Variants in CTDSP1 observed in about 807,000 individuals in gnomAD.
The protein encoded by CTDSP1 is carboxy-terminal domain RNA polymerase II polypeptide A small phosphatase 1.
Under a neutral mutation model 32.5 loss-of-function variants are expected in CTDSP1, and 15 were observed. That is an observed-to-expected ratio of 0.46 (90% CI 0.31 to 0.71). The LOEUF is 0.71. Ranked by LOEUF, CTDSP1 falls within the 30% of genes least tolerant of loss-of-function variation. CTDSP1 has a pLI of 0.05. For missense variants in CTDSP1, 294 were observed against 351.1 expected (o/e 0.84, Z 1.30); for synonymous variants, 185 against 145.4 (o/e 1.27, Z -1.96).
Position 218,401,618 on chromosome 2 carries a change from C to G in CTDSP1, c.122C>G (p.Ser41Ter). The G allele has an allele frequency of 6.2e-7, 1 of 1,613,898 alleles. No homozygotes were observed. Among genetic ancestry groups the G allele is most frequent in the Non-Finnish European group, 8.5e-7 (1 of 1,179,924 alleles). ...QKPRSRGILH[S>*]LFCCVCRDDG... Reference sequence around the variant, plus strand: ...CCCCGAAGCCGGGGCATCCTCCACTCACTCTTCTGCTGTGTCTGCCGGGAT... The same window carrying G: ...CCCCGAAGCCGGGGCATCCTCCACTGACTCTTCTGCTGTGTCTGCCGGGAT... Residue 41 changes from serine to a stop codon, truncating the protein, a stop_gained, in exon 2 of 7, where the codon TCA becomes TGA. Transcript: ENST00000273062. LOFTEE classifies it high-confidence loss of function.
Position 218,400,114 on chromosome 2 carries a change from T to A in CTDSP1, c.24T>A (p.Thr8=). The A allele has an allele frequency of 4.5e-6, 7 of 1,543,232 alleles. No homozygotes were observed. Among genetic ancestry groups the A allele is most frequent in the Non-Finnish European group, 5.2e-6 (6 of 1,144,328 alleles). MDSSAVI[T]QISKEEARGP... is the part of the protein sequence containing the mutation. ...CCATGGACAGCTCGGCCGTCATTAC[T>A]CAGATCAGCAAGGAGGAGGCTCGGG... The change falls in exon 1 of 7, where the codon ACT becomes ACA. Residue 8 remains threonine, a synonymous_variant. Transcript: ENST00000273062.
chr2:218,399,939 C>G lies in CTDSP1; in HGVS notation c.-152C>G. ...TCCGCGCCCCCTCCCTCCCCCTCCC[C>G]CCTAGAACCTGGCTCCCCTCCCCTC... On this transcript the variant is annotated 5_prime_UTR_variant, in exon 1 of 7. Transcript: ENST00000273062. 1 of 1,165,664 alleles carries G rather than the reference C, an allele frequency of 8.6e-7. No homozygotes were observed. The highest frequency in any genetic ancestry group is 1.1e-6 in the Non-Finnish European group (1 of 936,136). 72.2% of individuals were successfully genotyped at this position (1,165,664 alleles called of 1,614,324 possible). A position where few individuals can be genotyped will look rare whatever the true frequency, so the allele number is the denominator to read the frequency against.
In CTDSP1 at chr2:218,404,528, A is replaced by G; in HGVS notation, c.*103A>G. 6.9e-7 allele frequency: 1 copy of G among 1,442,632 alleles called. No individual in the cohort carries two copies. The highest frequency in any genetic ancestry group is 9.5e-7 in the Non-Finnish European group (1 of 1,055,722). The allele number at this position is 1,442,632 out of a possible 1,614,324, so 89.4% of individuals were successfully genotyped here. On this transcript the variant is annotated 3_prime_UTR_variant, in exon 7 of 7. Transcript: ENST00000273062. ...TTAGGAAAACCCATGGGCCGCCGCC[A>G]CACTCAGTGCCATGGGGAAGCGGGC...
chr2:218,400,222 C>A, intron 1 of CTDSP1, 65 bp downstream of exon 1: 1 of 1,451,206 alleles, frequency 6.9e-7, no homozygotes, highest in Non-Finnish European at 9.3e-7. Context: ...GGGCCGGGAT[C>A]TTCCCCAGGG....
chr2:218,402,978 C>T (rs541352179), intron 4 of CTDSP1, 57 bp from the exon 5 acceptor site: 21 of 1,336,332 alleles, frequency 1.6e-5, no homozygotes, highest in Admixed American at 8.7e-5. Flanking sequence ...TGCCAGCCCT[C>T]GGCCACCCCC....
chr2:218,402,995 C>G, intron 4 of CTDSP1, 40 bp from the exon 5 acceptor site: 1 of 1,494,374 alleles, frequency 6.7e-7, no homozygotes, highest in Non-Finnish European at 9.3e-7. Flanking sequence ...CCCCACACTG[C>G]CCCACTGGCC....
intron 1 of CTDSP1, 117 bp downstream of exon 1, chr2:218,400,274 C>A: frequency 1.1e-6 from 1 of 906,994 alleles, no homozygotes; most frequent in South Asian, 1.5e-5. Context: ...TAGCTGTGCC[C>A]GAAGCTCCCA....
rs1199162107 is a variant in CTDSP1, at chr2:218,402,401, A to C, written c.374A>C (p.His125Pro). 1 of 1,608,340 alleles carries C rather than the reference A, an allele frequency of 6.2e-7. No homozygotes were observed. The highest frequency in any genetic ancestry group is 1.1e-5 in the South Asian group (1 of 90,076). ...IIPVEIDGVV[H>P]QVYVLKRPHV... The stretch of plus-strand genomic sequence containing the variant: ...CCTGTGGAGATTGATGGGGTGGTCC[A>C]CCAGGTGAGGGCCAGGAAGAGGCAG... The change falls in exon 4 of 7, where the codon CAC (histidine) becomes CCC (proline). Residue 125 changes from histidine (H) to proline (P), a missense_variant. By Grantham distance (77) the His-to-Pro change is moderately conservative. Around this residue, in one of 2 missense-constraint regions of CTDSP1, gnomAD observed 146 missense variants for 237.7 expected, o/e 0.61. Coordinates refer to ENST00000273062, the MANE Select transcript of CTDSP1 (RefSeq NM_021198.3).
chr2:218,403,508 G>A (rs1298370938), intron 6 of CTDSP1, 91 bp downstream of exon 6: 9 of 1,245,356 alleles, frequency 7.2e-6, no homozygotes, highest in African/African-American at 1.5e-5. Flanking sequence ...TGGATCCCCA[G>A]TTGGGGGGTG....
rs573257676 is a variant in CTDSP1, at chr2:218,404,299, A to G, written c.660A>G (p.Val220=). The change falls in exon 7 of 7, where the codon GTA becomes GTG. Residue 220 remains valine, a splice_region_variant and synonymous_variant. Transcript: ENST00000273062. ...ASYVFHPDNA[V]PVASWFDNMS... ...TCTTCCTACACCCACTTCCCCAGGT[A>G]CCGGTGGCCTCGTGGTTTGACAACA... 9.9e-6 allele frequency: 16 copies of G among 1,614,046 alleles called. No individual in the cohort carries two copies. In the South Asian group the frequency reaches 1.2e-4, roughly 12 times the overall value.
rs374939013 is a variant in CTDSP1 at position 218,402,157 on chromosome 2, C to T, written c.263C>T (p.Ser88Leu). The T allele has an allele frequency of 2.2e-5, 35 of 1,613,646 alleles. No individual in the cohort carries two copies. The highest frequency in any genetic ancestry group is 1.5e-4 in the South Asian group (14 of 91,070). The change falls in exon 3 of 7, where the codon TCA (serine) becomes TTA (leucine). Residue 88 changes from serine to leucine, a missense_variant. Transcript: ENST00000273062. Reference protein sequence around the residue: ...YLLPEAKAQDSDKICVVIDLD... With the variant: ...YLLPEAKAQDLDKICVVIDLD... ...CTCCCTGAGGCCAAGGCCCAGGACT[C>T]AGACAAGATCTGCGTGGTCATCGAC... is the stretch of plus-strand genomic sequence containing the variant.
At position 218,401,720 on chromosome 2, in the gene CTDSP1, G is replaced by A; in HGVS notation, c.216+8G>A. The A allele has an allele frequency of 6.5e-7, 1 of 1,544,630 alleles. No homozygotes were observed. Among genetic ancestry groups the A allele is most frequent in the South Asian group, 1.2e-5 (1 of 80,286 alleles). ...AATGGCGCCATCCCTAAGGTGCGTGGGGGCCAGGTGGGGCCACGGGGGCAC... is the reference window on the plus strand; with the variant it reads ...AATGGCGCCATCCCTAAGGTGCGTGAGGGCCAGGTGGGGCCACGGGGGCAC... On this transcript the variant is annotated splice_region_variant and intron_variant, in intron 2 of 6. Coordinates refer to ENST00000273062, the MANE Select transcript of CTDSP1 (RefSeq NM_021198.3).
At chr2:218,400,548 C>A in intron 1 of CTDSP1, 1 of 374,352 alleles carries the variant, frequency 2.7e-6, no homozygotes, top group Admixed American at 3.7e-5. Context: ...CACCCCCCAC[C>A]CCCACCCCCC....
At chr2:218,401,412 C>T (rs935304967) in intron 1 of CTDSP1, 152 bp from the exon 2 acceptor site, 6 of 780,502 alleles carry the variant, frequency 7.7e-6, no homozygotes, top group Admixed American at 5.4e-5. Context: ...CTGACAGGGG[C>T]GTTTCAGAGA....
chr2:218,402,871 GGTACA>G, intron 4 of CTDSP1, 159 bp from the exon 5 acceptor site: 1 of 663,024 alleles, frequency 1.5e-6, no homozygotes, highest in Admixed American at 2.2e-5. Context: ...GCGGGGGGTG[GGTACA>G]GTTTCCCCAG....
chr2:218,397,456 G>C (rs1809231), upstream of CTDSP1, among the ~76,000 whole-genome samples: 76,863 of 151,970 alleles, frequency 0.51, 21,345 homozygotes, highest in African/African-American at 0.75. Flanking sequence ...CCCCGACTTT[G>C]TGCACGGCTC....
At chr2:218,401,118 G>A (rs1200555106) in intron 1 of CTDSP1, 1 of 370,172 alleles carries the variant, frequency 2.7e-6, no homozygotes, top group Non-Finnish European at 5.5e-6. Context: ...CAGCCGCAGT[G>A]AGGACTTCGT....
At chr2:218,399,166 T>C (rs1225280866), upstream of CTDSP1, 1 of 152,200 alleles carries the variant, frequency 6.6e-6, no homozygotes, top group Non-Finnish European at 1.5e-5. Context: ...GAACAGCGCG[T>C]ACGAAAACTT....
intron 6 of CTDSP1, 129 bp from the exon 7 acceptor site, chr2:218,404,168 A>C (rs779271467): frequency 5.3e-6 from 6 of 1,128,766 alleles, no homozygotes; most frequent in Admixed American, 4.6e-5. Context: ...CTGTCAAAAA[A>C]GTTTGAACAC....
Sources: gnomAD v4.1 joint callset for allele counts (sites outside exome capture counted in the v4.1 genomes callset) on GRCh38, gnomAD v4.1.1 for gene constraint, gnomAD v4.1.1 regional missense constraint, MANE v1.5 for transcripts, NCBI Gene and HGNC (gene_info 2026-07-23, HGNC 2026-07-21) for gene names.